Variants in CD209 observed in about 807,000 individuals in gnomAD.
CD209 encodes the protein CD209 molecule, also known as CD209 antigen.
A neutral mutation model predicts 44.7 loss-of-function variants in CD209; 31 were observed. The ratio of observed to expected loss-of-function variants is 0.69; its 90% confidence interval spans 0.52 to 0.94. The LOEUF (loss-of-function observed/expected upper bound fraction) is 0.94. Ranked by LOEUF, CD209 falls within the 40% of genes least tolerant of loss-of-function variation. The probability of loss-of-function intolerance (pLI) is 0.00; values close to 1 mark genes in which losing one functional copy is unlikely to be tolerated. For missense variants in CD209, 407 were observed against 452.4 expected, an observed-to-expected ratio of 0.90 and a Z score of 0.91; for synonymous variants, 173 against 181.3, an observed-to-expected ratio of 0.95 and a Z score of 0.37.
chr19:7,744,147 C>T lies in CD209; in HGVS notation c.973G>A (p.Gly325Ser). ...GAGCCGTCCACCCATTGCCACGTGC[C>T]TTCCTGATTTAGATCTGAAAGTCCC... ...WMGLSDLNQE[G>S]TWQWVDGSPL... Residue 325 changes from glycine (G) to serine (S), a missense_variant, in exon 6 of 7, where the codon GGC (glycine) becomes AGC (serine). Gly to Ser is a moderately conservative substitution (Grantham distance 56). Around this residue, in one of 3 missense-constraint regions of CD209, gnomAD observed 200 missense variants for 202.2 expected, o/e 0.99. Transcript: ENST00000315599. 1.9e-6 allele frequency: 3 copies of T among 1,614,208 alleles called. No individual in the cohort carries two copies. The highest frequency in any genetic ancestry group is 2.5e-6 in the Non-Finnish European group (3 of 1,180,000).
Position 7,744,177 on chromosome 19 carries a change from A to C in CD209, c.943T>G (p.Trp315Gly). The C allele has an allele frequency of 3.7e-6, 6 of 1,614,220 alleles. No individual in the cohort carries two copies. Among genetic ancestry groups the C allele is most frequent in the Non-Finnish European group, 5.1e-6 (6 of 1,180,020 alleles). ...TGATTTAGATCTGAAAGTCCCATCCAGGTGAAGCGGTTACTTCTGGAAGAC... is the reference window on the plus strand; with the variant it reads ...TGATTTAGATCTGAAAGTCCCATCCCGGTGAAGCGGTTACTTCTGGAAGAC... ...LQSSRSNRFT[W>G]MGLSDLNQEG... is the part of the protein sequence containing the mutation. The change falls in exon 6 of 7, where the codon TGG becomes GGG. Residue 315 changes from tryptophan (W) to glycine (G), a missense_variant. By Grantham distance (184) the Trp-to-Gly change is radical (BLOSUM62 -2). Around this residue, in one of 3 missense-constraint regions of CD209, gnomAD observed 200 missense variants for 202.2 expected, o/e 0.99. Coordinates refer to ENST00000315599, the MANE Select transcript of CD209 (RefSeq NM_021155.4).
intron 5 of CD209, 59 bp downstream of exon 5, chr19:7,744,882 C>G: frequency 6.3e-7 from 1 of 1,598,720 alleles, no homozygotes; most frequent in South Asian, 1.1e-5. Context: ...TGAGCACCTC[C>G]TCCCCAGTTG....
At position 7,745,872 on chromosome 19, in the gene CD209, C is replaced by A. The variant is rs769761518; in HGVS notation, c.394G>T (p.Ala132Ser). The A allele has an allele frequency of 5.0e-6, 8 of 1,613,102 alleles. No homozygotes were observed. The highest frequency in any genetic ancestry group is 6.8e-6 in the Non-Finnish European group (8 of 1,179,920). The change falls in exon 4 of 7, where the codon GCT becomes TCT. Residue 132 changes from alanine (A) to serine (S), a missense_variant. Physicochemically the swap from Ala to Ser is moderately conservative, Grantham distance 99. Transcript: ENST00000315599. ...TTCTCTGGAAGCTCACCCACTGCAG[C>A]CTTCAGCCGGGTCAGCTCCTGGTAG... ...EIYQELTRLK[A>S]AVGELPEKSK...
At chr19:7,746,814 C>T (rs1469137729) in intron 2 of CD209, among the ~76,000 whole-genome samples, 1 of 143,964 alleles carries the variant, frequency 6.9e-6, no homozygotes, top group African/African-American at 2.6e-5. Flanking sequence ...GTCCCTGGAA[C>T]CCAGGCCCCC....
chr19:7,744,273 C>T (rs946102587), intron 5 of CD209, 54 bp from the exon 6 acceptor site: 1 of 1,325,036 alleles, frequency 7.5e-7, no homozygotes, highest in Non-Finnish European at 1.1e-6. Context: ...TTTCCAGGCT[C>T]TGTCTCCCCA....
In CD209 at chr19:7,740,645, G is replaced by C; in HGVS notation, c.*2394C>G. 1.3e-6 allele frequency: 1 copy of C among 782,030 alleles called. No homozygotes were observed. Among genetic ancestry groups the C allele is most frequent in the African/African-American group, 1.7e-5 (1 of 59,146 alleles). The allele number at this position is 782,030 out of a possible 1,614,324, so 48.4% of individuals were successfully genotyped here. A position where few individuals can be genotyped will look rare whatever the true frequency, so the allele number is the denominator to read the frequency against. On this transcript the variant is annotated 3_prime_UTR_variant, in exon 7 of 7. Coordinates refer to ENST00000315599, the MANE Select transcript of CD209 (RefSeq NM_021155.4). ...AACTAGAAAAGCTATGGGGAAGAGA[G>C]AGGCAAAGATTACATGAGGAGTGGT...
Position 7,745,113 on chromosome 19 carries a change from G to C in CD209, c.749-21C>G, listed in dbSNP as rs776984893. The stretch of plus-strand genomic sequence containing the variant: ...GCGTTCTGTTGGGGGAGGCTGGTCA[G>C]GGCTGGGCTTAGATTAGGTTGTCCA... On this transcript the variant is annotated intron_variant, in intron 4 of 6. Coordinates refer to ENST00000315599, the MANE Select transcript of CD209 (RefSeq NM_021155.4). The C allele has an allele frequency of 4.3e-6, 7 of 1,613,824 alleles. No homozygotes were observed. The East Asian group carries it at 1.6e-4, about 36-fold the overall frequency.
rs970855817 is a variant in CD209, at chr19:7,741,712, T to C, written c.*1327A>G. Reference sequence around the variant, plus strand: ...TGGCTCGGTGGAAAATGATGATTTGTGGTTTATTTGAAATACAACAATGTC... The same window carrying C: ...TGGCTCGGTGGAAAATGATGATTTGCGGTTTATTTGAAATACAACAATGTC... On this transcript the variant is annotated 3_prime_UTR_variant, in exon 7 of 7. Coordinates refer to ENST00000315599, the MANE Select transcript of CD209 (RefSeq NM_021155.4). 1.5e-6 allele frequency: 1 copy of C among 683,458 alleles called. No homozygotes were observed. The highest frequency in any genetic ancestry group is 2.6e-6 in the Non-Finnish European group (1 of 378,730). The allele number at this position is 683,458 out of a possible 1,614,324, so 42.3% of individuals were successfully genotyped here.
Position 7,743,038 on chromosome 19 carries a change from G to T in CD209, c.*1C>A. On this transcript the variant is annotated 3_prime_UTR_variant, in exon 7 of 7. Coordinates refer to ENST00000315599, the MANE Select transcript of CD209 (RefSeq NM_021155.4). ...GTAGCTTAAAAGGGGGTGAAGTTCT[G>T]CTACGCAGGAGGGGGGTTTGGGGTG... 6.2e-7 allele frequency: 1 copy of T among 1,604,276 alleles called. No homozygotes were observed. Among genetic ancestry groups the T allele is most frequent in the African/African-American group, 1.3e-5 (1 of 74,714 alleles).
chr19:7,745,761 T>A lies in CD209; in HGVS notation c.505A>T (p.Ile169Phe). The A allele has an allele frequency of 6.2e-7, 1 of 1,604,466 alleles. No homozygotes were observed. Among genetic ancestry groups the A allele is most frequent in the Non-Finnish European group, 8.5e-7 (1 of 1,179,458 alleles). ...ELPEKSKMQE[I>F]YQELTRLKAA... ...TTCAGCCGAGTCAGCTCCTGGTAGA[T>A]CTCCTGCATCTTAGATTTCTCTGGA... The change falls in exon 4 of 7, where the codon ATC (isoleucine) becomes TTC (phenylalanine). Residue 169 changes from isoleucine to phenylalanine, a missense_variant. By Grantham distance (21) the Ile-to-Phe change is conservative. Around this residue, in one of 3 missense-constraint regions of CD209, gnomAD observed 85 missense variants for 139.9 expected, o/e 0.61. Transcript: ENST00000315599.
chr19:7,746,600 T>A, intron 2 of CD209, 69 bp from the exon 3 acceptor site: 1 of 1,515,856 alleles, frequency 6.6e-7, no homozygotes, highest in Non-Finnish European at 9.2e-7. Flanking sequence ...GAGCCTGGTC[T>A]AAATCCCTCA....
At chr19:7,744,327 C>G (rs2033727369) in intron 5 of CD209, 108 bp from the exon 6 acceptor site, 1 of 809,552 alleles carries the variant, frequency 1.2e-6, no homozygotes, top group African/African-American at 1.7e-5. Context: ...CTACAGCCTT[C>G]TGGTATACTA....
intron 5 of CD209, among the ~76,000 whole-genome samples, 156 bp downstream of exon 5, chr19:7,744,785 C>T (rs547640938): frequency 6.6e-6 from 1 of 152,344 alleles, no homozygotes; most frequent in East Asian, 1.9e-4. Context: ...TGTATCTGCT[C>T]TAAGGGTACT....
Position 7,742,072 on chromosome 19 carries a change from TAGATCCC to T in CD209, c.*960_*966del. 3.4e-6 allele frequency: 1 copy of T among 298,098 alleles called. No homozygotes were observed. The highest frequency in any genetic ancestry group is 4.1e-5 in the Admixed American group (1 of 24,228). The allele number at this position is 298,098 out of a possible 1,614,324, so 18.5% of individuals were successfully genotyped here. On this transcript the variant is annotated 3_prime_UTR_variant, in exon 7 of 7. Transcript: ENST00000315599. ...GTCACAGCCGGAGCCAAAGCTCCTC[TAGATCCC>T]AAAGTCGTGGTAGGAGGAGATCAGG... is the stretch of plus-strand genomic sequence containing the variant.
intron 5 of CD209, 99 bp from the exon 6 acceptor site, chr19:7,744,318 TA>T (rs1356752603): frequency 1.1e-5 from 10 of 887,484 alleles, no homozygotes; most frequent in Non-Finnish European, 1.7e-5. Context: ...TAGGCTAACC[TA>T]CAGCCTTCTG....
Position 7,743,213 on chromosome 19 carries a change from C to T in CD209, c.1041G>A (p.Glu347=), listed in dbSNP as rs1461451950. ...PSFKQYWNRG[E]PNNVGEEDCA... ...AGTCTTCCTCCCCAACGTTGTTGGG[C>T]TCTCCTCTGTTCCAATACTGCTTGA... is the stretch of plus-strand genomic sequence containing the variant. Residue 347 remains glutamate, a synonymous_variant, in exon 7 of 7, where the codon GAG becomes GAA. Transcript: ENST00000315599. 1 of 1,614,106 alleles carries T rather than the reference C, an allele frequency of 6.2e-7. No individual in the cohort carries two copies. Among genetic ancestry groups the T allele is most frequent in the Non-Finnish European group, 8.5e-7 (1 of 1,179,958 alleles).
rs1301786999 is a variant in CD209 at position 7,741,825 on chromosome 19, G to C, written c.*1214C>G. 2 of 497,882 alleles carry C rather than the reference G, an allele frequency of 4.0e-6. No homozygotes were observed. Among genetic ancestry groups the C allele is most frequent in the South Asian group, 1.7e-5 (1 of 58,282 alleles). The allele number at this position is 497,882 out of a possible 1,614,324, so 30.8% of individuals were successfully genotyped here. The stretch of plus-strand genomic sequence containing the variant: ...CTCCTCCTTTGGCAAGAGCTCCAAG[G>C]GGAGAGAGAGGGTGGGCCACCACGA... On this transcript the variant is annotated 3_prime_UTR_variant, in exon 7 of 7. Transcript: ENST00000315599.
chr19:7,743,302 C>A (rs897188297), intron 6 of CD209, 62 bp from the exon 7 acceptor site: 25 of 1,429,086 alleles, frequency 1.7e-5, no homozygotes, highest in Non-Finnish European at 4.9e-6. Context: ...TGTGTTTCTA[C>A]CTTCTGTCAT....
chr19:7,747,234 C>T (rs1004657417), intron 2 of CD209, 72 bp downstream of exon 2: 20 of 1,485,054 alleles, frequency 1.3e-5, no homozygotes, highest in East Asian at 6.8e-5. Context: ...CAGGCCCCAG[C>T]GTCCAGCTCC....
Sources: allele counts gnomAD v4.1 joint callset (sites outside exome capture counted in the v4.1 genomes callset), GRCh38; gene constraint gnomAD v4.1.1; regional missense constraint gnomAD v4.1.1; transcripts MANE v1.5; gene names NCBI Gene and HGNC (gene_info 2026-07-23, HGNC 2026-07-21).